The following ASB15 variants were observed in gnomAD, a reference collection of about 807,000 sequenced individuals.
ASB15 encodes the protein ankyrin repeat and SOCS box containing 15.
A neutral mutation model predicts 58.0 loss-of-function variants in ASB15; 54 were observed. That is an observed-to-expected ratio of 0.93 (90% CI 0.75 to 1.17). The LOEUF is 1.17. Among genes scored for constraint, ASB15 ranks in the 50% most tolerant of loss-of-function variants. ASB15 has a pLI of 0.00. For synonymous variants in ASB15, 249 were observed against 262.4 expected, an observed-to-expected ratio of 0.95 and a Z score of 0.50; for missense variants, 680 against 707.4, an observed-to-expected ratio of 0.96 and a Z score of 0.44.
intron 11 of ASB15, among the ~76,000 whole-genome samples, chr7:123,634,926 G>C (rs1802337051): frequency 6.6e-6 from 1 of 152,164 alleles, no homozygotes; most frequent in Non-Finnish European, 1.5e-5. Flanking sequence ...CAATTTGCAA[G>C]AAGTAGAGGA....
At chr7:123,633,635 ACG>A (rs1802252835) in intron 11 of ASB15, among the ~76,000 whole-genome samples, 1 of 144,978 alleles carries the variant, frequency 6.9e-6, no homozygotes, top group Non-Finnish European at 1.5e-5. Context: ...GTGTGTGTGC[ACG>A]CGCGCGCACG....
chr7:123,625,099 T>C (rs868300423), intron 8 of ASB15: 1 of 360,466 alleles, frequency 2.8e-6, no homozygotes, highest in Non-Finnish European at 5.1e-6. Flanking sequence ...GGCCTCATGC[T>C]CATCTTCTCC....
intron 1 of ASB15, among the ~76,000 whole-genome samples, chr7:123,589,126 T>A (rs182044778): frequency 8.1e-4 from 123 of 151,920 alleles, no homozygotes; most frequent in African/African-American, 2.9e-3. Context: ...ATCTTTTCAT[T>A]GTTGAAAGTA....
At chr7:123,611,124 C>T (rs1033450470) in intron 3 of ASB15, among the ~76,000 whole-genome samples, 3 of 147,686 alleles carry the variant, frequency 2.0e-5, no homozygotes, top group African/African-American at 7.4e-5. Flanking sequence ...AATCAATTTT[C>T]TCTAGACTGA....
chr7:123,568,415 G>T (rs1798817441), intron 1 of ASB15, among the ~76,000 whole-genome samples: 1 of 151,918 alleles, frequency 6.6e-6, no homozygotes, highest in Non-Finnish European at 1.5e-5. Flanking sequence ...ACCTACTTGG[G>T]AGGCTGAGAC....
chr7:123,619,210 A>G (rs1801057452), intron 7 of ASB15, among the ~76,000 whole-genome samples: 1 of 148,844 alleles, frequency 6.7e-6, no homozygotes, highest in Non-Finnish European at 1.5e-5. Context: ...AAAAGAAGTC[A>G]CATTAAGCCA....
chr7:123,621,290 G>A (rs1801306659), intron 7 of ASB15: 1 of 152,208 alleles, frequency 6.6e-6, no homozygotes, highest in Admixed American at 6.5e-5. Context: ...TAAGTGGTAA[G>A]GTCGAGAGAG....
intron 1 of ASB15, among the ~76,000 whole-genome samples, chr7:123,567,993 A>G (rs1280931780): frequency 1.3e-5 from 2 of 152,134 alleles, no homozygotes; most frequent in African/African-American, 4.8e-5. Flanking sequence ...ACTTCTAAAA[A>G]GTGTCCATAC....
At chr7:123,572,514 C>A (rs1233638700) in intron 1 of ASB15, among the ~76,000 whole-genome samples, 1 of 151,012 alleles carries the variant, frequency 6.6e-6, no homozygotes, top group East Asian at 2.0e-4. Context: ...ATTTTATGTT[C>A]TTTTCAGGTT....
chr7:123,623,926 GAAAGAAAAGAAA>G (rs1301108327), intron 7 of ASB15, among the ~76,000 whole-genome samples: 1 of 69,886 alleles, frequency 1.4e-5, no homozygotes, highest in Admixed American at 1.8e-4. Flanking sequence ...AAGGAAGAAA[GAAAGAAAAGAAA>G]GAAAGAAAGA....
intron 1 of ASB15, among the ~76,000 whole-genome samples, chr7:123,587,827 G>A (rs1799417693): frequency 6.6e-6 from 1 of 151,616 alleles, no homozygotes; most frequent in Non-Finnish European, 1.5e-5. Context: ...TGTTAATGTG[G>A]CATATCATAT....
At chr7:123,572,415 A>G (rs1331638670) in intron 1 of ASB15, among the ~76,000 whole-genome samples, 2 of 152,034 alleles carry the variant, frequency 1.3e-5, no homozygotes, top group Non-Finnish European at 2.9e-5. Flanking sequence ...CTGGGATTAC[A>G]GGCACGAGCC....
intron 1 of ASB15, among the ~76,000 whole-genome samples, chr7:123,576,660 C>G (rs1799073013): frequency 6.6e-6 from 1 of 152,118 alleles, no homozygotes; most frequent in Non-Finnish European, 1.5e-5. Context: ...AAGACTTGTA[C>G]CACCACCTTG....
intron 1 of ASB15, among the ~76,000 whole-genome samples, chr7:123,588,349 T>A (rs1663150215): frequency 6.6e-6 from 1 of 151,716 alleles, no homozygotes; most frequent in African/African-American, 2.4e-5. Context: ...TAATCTTTTG[T>A]ATTTCTGTAT....
At chr7:123,612,832 C>T (rs556162495) in intron 3 of ASB15, among the ~76,000 whole-genome samples, 3 of 152,318 alleles carry the variant, frequency 2.0e-5, no homozygotes, top group Admixed American at 6.5e-5. Flanking sequence ...CTGGAGATGA[C>T]GCTTCTCTTG....
chr7:123,589,248 A>G (rs1799461582), intron 1 of ASB15, among the ~76,000 whole-genome samples: 1 of 151,148 alleles, frequency 6.6e-6, no homozygotes, highest in Admixed American at 6.6e-5. Flanking sequence ...TACAATTGTT[A>G]TTTTCTCTTG....
chr7:123,602,411 C>T (rs1052914665), intron 1 of ASB15, among the ~76,000 whole-genome samples: 2 of 151,990 alleles, frequency 1.3e-5, no homozygotes, highest in Non-Finnish European at 2.9e-5. Flanking sequence ...TGGAAATTTA[C>T]TCCTGCAAAT....
chr7:123,581,353 C>T (rs1679054132), intron 1 of ASB15, among the ~76,000 whole-genome samples: 1 of 150,622 alleles, frequency 6.6e-6, no homozygotes, highest in South Asian at 2.1e-4. Flanking sequence ...ACTATTTGCC[C>T]TTCTTGGGCA....
At chr7:123,599,676 C>T (rs571316957), upstream of ASB15, among the ~76,000 whole-genome samples, 1 of 152,194 alleles carries the variant, frequency 6.6e-6, no homozygotes. Context: ...CTTCTAACAC[C>T]GTGCTTCAAC....
Sources: allele counts gnomAD v4.1 joint callset (sites outside exome capture counted in the v4.1 genomes callset), GRCh38; gene constraint gnomAD v4.1.1; transcripts MANE v1.5; gene names NCBI Gene and HGNC (gene_info 2026-07-23, HGNC 2026-07-21).